VPS35L: variants seen among roughly 807,000 people sequenced by gnomAD.
VPS35L encodes VPS35 endosomal protein-sorting factor-like.
Under a neutral mutation model 133.0 loss-of-function variants are expected in VPS35L, and 83 were observed. That is an observed-to-expected ratio of 0.62 (90% CI 0.52 to 0.75). The LOEUF (loss-of-function observed/expected upper bound fraction) is 0.75. Among genes scored for constraint, VPS35L ranks in the 30% least tolerant of loss-of-function variants. The probability of loss-of-function intolerance (pLI) is 0.00; values close to 1 mark genes in which losing one functional copy is unlikely to be tolerated. For synonymous variants in VPS35L, 423 were observed against 449.9 expected (o/e 0.94, Z 0.76); for missense variants, 1,083 against 1,206.8 (o/e 0.90, Z 1.52).
chr16:19,596,016 C>G (rs1972203850), intron 8 of VPS35L, among the ~76,000 whole-genome samples: 1 of 151,880 alleles, frequency 6.6e-6, no homozygotes, highest in African/African-American at 2.4e-5. Context: ...TGGTGGTGGG[C>G]ACCTGTAGTC....
chr16:19,690,614 C>G (rs2151625545), intron 28 of VPS35L, among the ~76,000 whole-genome samples: 1 of 152,254 alleles, frequency 6.6e-6, no homozygotes, highest in African/African-American at 2.4e-5. Flanking sequence ...AGGATCCCAG[C>G]TAGGACCACC....
chr16:19,652,016 C>A lies in VPS35L; in HGVS notation c.2147C>A (p.Ala716Glu), dbSNP rs758482660. Residue 716 changes from alanine to glutamate, a missense_variant, in exon 26 of 31, where the codon GCG (alanine) becomes GAG (glutamate). By Grantham distance (107) the Ala-to-Glu change is moderately radical (BLOSUM62 -1). Coordinates refer to ENST00000417362, the MANE Select transcript of VPS35L (RefSeq NM_020314.7). The stretch of plus-strand genomic sequence containing the variant: ...TGCTTCATCACCATCCCCTCCCTGG[C>A]GGGCATCTTCACACGTCTCAATCTC... The part of the protein sequence containing the change: ...AYCFITIPSL[A>E]GIFTRLNLYL... 1 of 1,613,470 alleles carries A rather than the reference C, an allele frequency of 6.2e-7. No individual in the cohort carries two copies. The highest frequency in any genetic ancestry group is 8.5e-7 in the Non-Finnish European group (1 of 1,179,690).
chr16:19,673,783 A>G (rs1974956242), intron 27 of VPS35L, among the ~76,000 whole-genome samples: 4 of 152,308 alleles, frequency 2.6e-5, no homozygotes, highest in African/African-American at 9.6e-5. Flanking sequence ...CCCCCAAGGT[A>G]GGAATCATTG....
chr16:19,688,957 C>T (rs1036063627), intron 28 of VPS35L, among the ~76,000 whole-genome samples: 5 of 152,144 alleles, frequency 3.3e-5, no homozygotes, highest in African/African-American at 1.2e-4. Context: ...ACATTCTCTT[C>T]CATCGTACAG....
At position 19,610,406 on chromosome 16, in the gene VPS35L, C is replaced by T; in HGVS notation, c.1014C>T (p.Tyr338=). 6.2e-7 allele frequency: 1 copy of T among 1,613,866 alleles called. No individual in the cohort carries two copies. Among genetic ancestry groups the T allele is most frequent in the Non-Finnish European group, 8.5e-7 (1 of 1,179,888 alleles). ...TAGTGTCGGTGTATGCCCGTGCCTA[C>T]CTGTGCCGGGTAGGCCATGCGAGTC... ...DPLVSVYARA[Y]LCRVGMEVAP... Residue 338 remains tyrosine, a synonymous_variant, in exon 12 of 31, where the codon TAC becomes TAT. Coordinates refer to ENST00000417362, the MANE Select transcript of VPS35L (RefSeq NM_020314.7).
At chr16:19,581,855 C>A in intron 7 of VPS35L, 1 of 654,408 alleles carries the variant, frequency 1.5e-6, no homozygotes, top group Non-Finnish European at 2.6e-6. Flanking sequence ...CCATGTGCAG[C>A]TGCACAGGTT....
chr16:19,618,642 G>T (rs996026068), intron 14 of VPS35L, among the ~76,000 whole-genome samples: 1 of 152,204 alleles, frequency 6.6e-6, no homozygotes, highest in African/African-American at 2.4e-5. Flanking sequence ...GTTAACAGCT[G>T]TTGTGATAGA....
At chr16:19,613,849 T>C (rs1473494945) in intron 12 of VPS35L, among the ~76,000 whole-genome samples, 1 of 152,192 alleles carries the variant, frequency 6.6e-6, no homozygotes, top group Non-Finnish European at 1.5e-5. Context: ...GAGACAAATC[T>C]AATTTGCCGA....
At chr16:19,568,001 A>G (rs1679672495) in intron 2 of VPS35L, among the ~76,000 whole-genome samples, 1 of 151,378 alleles carries the variant, frequency 6.6e-6, no homozygotes, top group East Asian at 1.9e-4. Flanking sequence ...TCTTCACTTC[A>G]GAAACTCCAA....
intron 26 of VPS35L, among the ~76,000 whole-genome samples, chr16:19,667,241 C>A (rs1974723820): frequency 6.6e-6 from 1 of 152,130 alleles, no homozygotes; most frequent in Middle Eastern, 3.4e-3. Context: ...AGATTACAGG[C>A]GTGAGCTACC....
At chr16:19,566,542 T>G (rs930989038) in intron 2 of VPS35L, among the ~76,000 whole-genome samples, 2 of 152,078 alleles carry the variant, frequency 1.3e-5, no homozygotes, top group Admixed American at 1.3e-4. Context: ...TTAATGGAGC[T>G]TAATTGAGCA....
chr16:19,678,481 ATTTT>A (rs776896300), intron 27 of VPS35L, among the ~76,000 whole-genome samples: 1 of 141,776 alleles, frequency 7.1e-6, no homozygotes. Context: ...CCATCTGTAC[ATTTT>A]TTTTTTTTTT....
intron 27 of VPS35L, among the ~76,000 whole-genome samples, chr16:19,681,269 T>G (rs569687882): frequency 3.3e-5 from 5 of 152,356 alleles, no homozygotes; most frequent in African/African-American, 1.2e-4. Context: ...AAAGCGAGGC[T>G]GGGGTATTTC....
intron 29 of VPS35L, among the ~76,000 whole-genome samples, chr16:19,692,081 T>C (rs1218154663): frequency 1.3e-5 from 2 of 152,156 alleles, no homozygotes; most frequent in Non-Finnish European, 2.9e-5. Flanking sequence ...TTTCACTATG[T>C]TGGCCAGGCT....
At position 19,633,088 on chromosome 16, in the gene VPS35L, T is replaced by C; in HGVS notation, c.1555-4T>C. 6.2e-7 allele frequency: 1 copy of C among 1,614,072 alleles called. No homozygotes were observed. Among genetic ancestry groups the C allele is most frequent in the South Asian group, 1.1e-5 (1 of 91,074 alleles). On this transcript the variant is annotated splice_region_variant and splice_polypyrimidine_tract_variant and intron_variant, in intron 18 of 30. Coordinates refer to ENST00000417362, the MANE Select transcript of VPS35L (RefSeq NM_020314.7). This position sits in a 1 kb window ranked among gnomAD's most constrained non-coding sequence, Gnocchi z 4.1. ...TTCAGGTTTGGTTCCTTTTTCCTGC[T>C]TAGAAACGAGAGGTGAATACCGTTT...
At chr16:19,563,557 A>T (rs369181584) in intron 1 of VPS35L, among the ~76,000 whole-genome samples, 2 of 152,098 alleles carry the variant, frequency 1.3e-5, no homozygotes, top group African/African-American at 4.8e-5. Flanking sequence ...TATGTGTGTT[A>T]GGCCTTCTCT....
rs1000368384 is a variant in VPS35L, at chr16:19,559,996, C to A, written c.17+4250C>A. ...GGGATTACAGGCGTGAGCCACTGCGCCCGGCCCAGAAGCAGTATTTTTCAC... is the reference window on the plus strand; with the variant it reads ...GGGATTACAGGCGTGAGCCACTGCGACCGGCCCAGAAGCAGTATTTTTCAC... On this transcript the variant is annotated intron_variant, in intron 1 of 30. Coordinates refer to ENST00000417362, the MANE Select transcript of VPS35L (RefSeq NM_020314.7). 2.6e-5 allele frequency among the ~76,000 whole-genome samples: 4 copies of A among 152,236 alleles called. No homozygotes were observed. The East Asian group carries it at 7.7e-4, about 29-fold the overall frequency.
In VPS35L at chr16:19,642,514, G is replaced by T. The variant is rs1235252287; in HGVS notation, c.1865+38G>T. 6 of 1,558,378 alleles carry T rather than the reference G, an allele frequency of 3.9e-6. 1 individual carries two copies. The South Asian group carries it at 6.8e-5, about 18-fold the overall frequency. ...TACAGCTGAAATATAACATGGATTG[G>T]GTCTTAATGCCACCTAATAGGACAT... On this transcript the variant is annotated intron_variant, in intron 22 of 30. Coordinates refer to ENST00000417362, the MANE Select transcript of VPS35L (RefSeq NM_020314.7).
intron 27 of VPS35L, among the ~76,000 whole-genome samples, chr16:19,671,285 A>G (rs1427072272): frequency 6.6e-6 from 1 of 152,106 alleles, no homozygotes; most frequent in Non-Finnish European, 1.5e-5. Context: ...CCTGGCCAAC[A>G]TGGCACAACC....
Sources: allele counts gnomAD v4.1 joint callset (sites outside exome capture counted in the v4.1 genomes callset), GRCh38; gene constraint gnomAD v4.1.1; non-coding constraint Gnocchi (gnomAD v3.1); transcripts MANE v1.5; gene names NCBI Gene and HGNC (gene_info 2026-07-23, HGNC 2026-07-21).